TUFT1: variants seen among roughly 807,000 people sequenced by gnomAD.
The protein encoded by TUFT1 is tuftelin 1, also known as tuftelin.
Under a neutral mutation model 57.8 loss-of-function variants are expected in TUFT1, and 43 were observed. The ratio of observed to expected loss-of-function variants is 0.74; its 90% CI spans 0.58 to 0.96. The LOEUF (loss-of-function observed/expected upper bound fraction) is 0.96. Among genes scored for constraint, TUFT1 ranks in the 40% least tolerant of loss-of-function variants. The probability of loss-of-function intolerance (pLI) is 0.00; values close to 1 mark genes in which losing one functional copy is unlikely to be tolerated. For missense variants in TUFT1, 459 were observed against 489.0 expected (o/e 0.94, Z 0.58); for synonymous variants, 166 against 176.7 (o/e 0.94, Z 0.48).
At chr1:151,576,655 C>G (rs551856548) in intron 9 of TUFT1, among the ~76,000 whole-genome samples, 1 of 152,176 alleles carries the variant, frequency 6.6e-6, no homozygotes, top group Non-Finnish European at 1.5e-5. Flanking sequence ...TTTTTCGAGA[C>G]GGAGTCTCAC....
In TUFT1 at chr1:151,562,404, G is replaced by A. The variant is rs115213732; in HGVS notation, c.136-181G>A. Reference sequence around the variant, plus strand: ...ATTCTCCCTGGCCGGTGTTCTTGCTGCTGTGTGGCTTCTGTTAGAAGTTCG... The same window carrying A: ...ATTCTCCCTGGCCGGTGTTCTTGCTACTGTGTGGCTTCTGTTAGAAGTTCG... On this transcript the variant is annotated intron_variant, in intron 2 of 12. Transcript: ENST00000368849. The A allele has an allele frequency of 3.1e-3, 1,996 of 650,162 alleles. 41 individuals carry two copies. In the African/African-American group the frequency reaches 0.033, roughly 11 times the overall value. The allele number at this position is 650,162 out of a possible 1,614,324, so 40.3% of individuals were successfully genotyped here.
At chr1:151,580,773 T>TC (rs1166643864) in intron 11 of TUFT1, among the ~76,000 whole-genome samples, 169 bp from the exon 12 acceptor site, 2 of 150,782 alleles carry the variant, frequency 1.3e-5, no homozygotes, top group African/African-American at 4.9e-5. Flanking sequence ...ATAAGCGCAA[T>TC]CTATGGTAAT....
intron 9 of TUFT1, among the ~76,000 whole-genome samples, chr1:151,575,345 C>CGT (rs1666430467): frequency 6.6e-6 from 1 of 152,116 alleles, no homozygotes; most frequent in Non-Finnish European, 1.5e-5. Flanking sequence ...GTTATGCCTT[C>CGT]GTTTCCTCCC....
intron 1 of TUFT1, among the ~76,000 whole-genome samples, chr1:151,544,350 G>A (rs1183455020): frequency 6.6e-6 from 1 of 152,054 alleles, no homozygotes; most frequent in Non-Finnish European, 1.5e-5. Context: ...AGGCTGGGGT[G>A]CGGTGGCACA....
chr1:151,545,305 C>T (rs1462593112), intron 1 of TUFT1, among the ~76,000 whole-genome samples: 2 of 151,984 alleles, frequency 1.3e-5, no homozygotes, highest in Non-Finnish European at 2.9e-5. Context: ...AGTGAAACTC[C>T]GTCTCAAACA....
chr1:151,574,497 T>C, intron 8 of TUFT1, 99 bp downstream of exon 8: 1 of 1,514,098 alleles, frequency 6.6e-7, no homozygotes, highest in South Asian at 1.3e-5. Flanking sequence ...TTTCCAAGCC[T>C]CTCCAGAAAA....
At chr1:151,570,562 G>A (rs1017217404) in intron 7 of TUFT1, among the ~76,000 whole-genome samples, 14 of 152,088 alleles carry the variant, frequency 9.2e-5, no homozygotes, top group East Asian at 3.9e-4. Flanking sequence ...TTACAGGCAC[G>A]AGCCACCATG....
At chr1:151,559,280 C>T (rs969426511) in intron 1 of TUFT1, among the ~76,000 whole-genome samples, 1 of 152,170 alleles carries the variant, frequency 6.6e-6, no homozygotes, top group African/African-American at 2.4e-5. Context: ...GAGGAGTTAA[C>T]AGAAGGGGTA....
intron 1 of TUFT1, chr1:151,557,581 A>G: frequency 1.8e-6 from 2 of 1,108,002 alleles, no homozygotes. Context: ...TCATGTCATG[A>G]AGGCCATGCA....
chr1:151,564,812 A>C, intron 5 of TUFT1, 198 bp downstream of exon 5: 2 of 494,914 alleles, frequency 4.0e-6, no homozygotes, highest in South Asian at 5.9e-5. Context: ...ACATTTACAC[A>C]TGTCAGCTTA....
rs562431529 is a variant in TUFT1 at position 151,543,692 on chromosome 1, A to AGCT, written c.60+3268_60+3270dup. ...TTACTACTATTGGTGAATTGGTTCC[A>AGCT]GCTGTTTTAGGTCTCTGCACCATTA... On this transcript the variant is annotated intron_variant, in intron 1 of 12. Coordinates refer to ENST00000368849, the MANE Select transcript of TUFT1 (RefSeq NM_020127.3). Among the ~76,000 whole-genome samples the AGCT allele has an allele frequency of 6.8e-4, 104 of 152,276 alleles. 1 individual carries two copies. In the East Asian group the frequency reaches 0.014, roughly 21 times the overall value.
intron 5 of TUFT1, 195 bp downstream of exon 5, chr1:151,564,809 C>T (rs1666012158): frequency 2.0e-6 from 1 of 507,844 alleles, no homozygotes; most frequent in South Asian, 2.8e-5. Context: ...CTTACATTTA[C>T]ACATGTCAGC....
chr1:151,555,531 C>G (rs1162914912), intron 1 of TUFT1, among the ~76,000 whole-genome samples: 4 of 149,530 alleles, frequency 2.7e-5, no homozygotes, highest in African/African-American at 9.9e-5. Context: ...GTAATCCAAG[C>G]ACTTTGGGAG....
chr1:151,561,535 T>G, intron 1 of TUFT1: 2 of 982,672 alleles, frequency 2.0e-6, no homozygotes, highest in Non-Finnish European at 2.4e-6. Flanking sequence ...AAAACCTGCT[T>G]CATTCTTTGA....
At chr1:151,553,545 G>A (rs1356082522) in intron 1 of TUFT1, among the ~76,000 whole-genome samples, 6 of 152,176 alleles carry the variant, frequency 3.9e-5, no homozygotes, top group African/African-American at 1.4e-4. Context: ...CCGGGATGGG[G>A]AGGGGAGGAA....
chr1:151,576,752 T>C (rs1024163723), intron 9 of TUFT1, among the ~76,000 whole-genome samples: 5 of 151,942 alleles, frequency 3.3e-5, no homozygotes, highest in Middle Eastern at 3.4e-3. Context: ...TCCCAGGAGG[T>C]AGCTAGGACT....
chr1:151,563,933 G>C lies in TUFT1; in HGVS notation c.267G>C (p.Lys89Asn). 6.2e-7 allele frequency: 1 copy of C among 1,614,158 alleles called. No homozygotes were observed. Residue 89 changes from lysine (K) to asparagine (N), a missense_variant, in exon 4 of 13, where the codon AAG becomes AAC. By Grantham distance (94) the Lys-to-Asn change is moderately conservative (BLOSUM62 0). Coordinates refer to ENST00000368849, the MANE Select transcript of TUFT1 (RefSeq NM_020127.3). ...ACTTGAAGGGGAGGTCTGGAGACAA[G>C]ATGATTCACGAGAAGAATATTAACC... ...KVYLKGRSGD[K>N]MIHEKNINQL...
chr1:151,562,049 G>C, intron 1 of TUFT1, 42 bp from the exon 2 acceptor site: 1 of 1,600,528 alleles, frequency 6.2e-7, no homozygotes, highest in Non-Finnish European at 8.6e-7. Flanking sequence ...CCTGTAGACT[G>C]TAAAGTTGAG....
intron 5 of TUFT1, 107 bp from the exon 6 acceptor site, chr1:151,566,056 C>G (rs768326663): frequency 1.1e-4 from 26 of 231,028 alleles, no homozygotes; most frequent in Admixed American, 1.8e-4. Flanking sequence ...CCTTCCTCTC[C>G]CTCTCCCTGT....
Sources: gnomAD v4.1 joint callset for allele counts (sites outside exome capture counted in the v4.1 genomes callset) on GRCh38, gnomAD v4.1.1 for gene constraint, MANE v1.5 for transcripts, NCBI Gene and HGNC (gene_info 2026-07-23, HGNC 2026-07-21) for gene names.